SLCO1B1: variants seen among roughly 807,000 people sequenced by gnomAD.
The protein encoded by SLCO1B1 is OATP-2.
SLCO1B1 carries 81 observed loss-of-function variants against 70.1 expected under a neutral mutation model. That is an observed-to-expected ratio of 1.16 (90% CI 0.97 to 1.39). The LOEUF (loss-of-function observed/expected upper bound fraction) is 1.39. Among genes scored for constraint, SLCO1B1 ranks in the 40% most tolerant of loss-of-function variants. The pLI, the probability that SLCO1B1 is intolerant of heterozygous loss-of-function variation, is 0.00. For synonymous variants in SLCO1B1, 283 were observed against 271.5 expected, an observed-to-expected ratio of 1.04 and a Z score of -0.42; for missense variants, 895 against 799.6, an observed-to-expected ratio of 1.12 and a Z score of -1.44.
chr12:21,234,775 T>A (rs888986972), intron 14 of SLCO1B1, among the ~76,000 whole-genome samples: 2 of 152,182 alleles, frequency 1.3e-5, no homozygotes, highest in Admixed American at 1.3e-4. Flanking sequence ...AAAAATTGTG[T>A]TCTGCTCTAA....
intron 10 of SLCO1B1, among the ~76,000 whole-genome samples, chr12:21,203,436 T>TA (rs979774793): frequency 2.0e-5 from 3 of 151,940 alleles, no homozygotes; most frequent in Non-Finnish European, 2.9e-5. Flanking sequence ...AATTTAAGCT[T>TA]AGGAAGGTTC....
At chr12:21,173,530 A>C (rs1405120587) in intron 3 of SLCO1B1, among the ~76,000 whole-genome samples, 5 of 151,806 alleles carry the variant, frequency 3.3e-5, no homozygotes, top group African/African-American at 1.2e-4. Context: ...TTACAACAGC[A>C]CTTTATTATT....
intron 2 of SLCO1B1, among the ~76,000 whole-genome samples, chr12:21,142,138 T>A (rs2121041287): frequency 6.6e-6 from 1 of 150,770 alleles, no homozygotes; most frequent in Non-Finnish European, 1.5e-5. Context: ...GGAACGGAGG[T>A]CTATGATAGT....
Position 21,200,665 on chromosome 12 carries a change from C to T in SLCO1B1, c.1128C>T (p.Ile376=). Residue 376 remains isoleucine, a synonymous_variant, in exon 9 of 15, where the codon ATC becomes ATT. Transcript: ENST00000256958. ...GTCAGCCTTCATCTAAGGCTAACAT[C>T]TTATTGGGTAAGACATATTTTTTAC... ...QYGQPSSKAN[I]LLGVITIPIF... 6.2e-7 allele frequency: 1 copy of T among 1,611,514 alleles called. No individual in the cohort carries two copies. The highest frequency in any genetic ancestry group is 8.5e-7 in the Non-Finnish European group (1 of 1,178,570).
intron 2 of SLCO1B1, among the ~76,000 whole-genome samples, chr12:21,146,043 A>G (rs908165845): frequency 6.6e-6 from 1 of 152,094 alleles, no homozygotes; most frequent in African/African-American, 2.4e-5. Flanking sequence ...ATTCTTAGGT[A>G]TTTGGTAGAA....
At chr12:21,152,169 T>C (rs1234490001) in intron 2 of SLCO1B1, among the ~76,000 whole-genome samples, 1 of 152,128 alleles carries the variant, frequency 6.6e-6, no homozygotes, top group East Asian at 1.9e-4. Context: ...TGCAGTATAC[T>C]GATGTGTTTA....
At chr12:21,207,336 T>C (rs1443186645) in intron 11 of SLCO1B1, among the ~76,000 whole-genome samples, 1 of 151,940 alleles carries the variant, frequency 6.6e-6, no homozygotes, top group Non-Finnish European at 1.5e-5. Context: ...TTCCTGTCCT[T>C]ATATTCGTGT....
intron 2 of SLCO1B1, among the ~76,000 whole-genome samples, chr12:21,166,191 T>C (rs909429188): frequency 1.3e-5 from 2 of 152,014 alleles, no homozygotes; most frequent in African/African-American, 4.8e-5. Flanking sequence ...CTCAATATCG[T>C]AGAAGCATAA....
chr12:21,168,779 T>C (rs906797205), intron 2 of SLCO1B1, among the ~76,000 whole-genome samples: 1 of 152,198 alleles, frequency 6.6e-6, no homozygotes, highest in Non-Finnish European at 1.5e-5. Context: ...ATTCTAGATA[T>C]TAACTCCTCA....
chr12:21,154,105 C>T (rs2121064985), intron 2 of SLCO1B1, among the ~76,000 whole-genome samples: 2 of 151,466 alleles, frequency 1.3e-5, no homozygotes, highest in African/African-American at 4.9e-5. Context: ...TTTTAATGCT[C>T]CCTTAAAATT....
intron 11 of SLCO1B1, among the ~76,000 whole-genome samples, chr12:21,214,570 T>G (rs187811420): frequency 0.037 from 5,575 of 150,794 alleles, 151 homozygotes; most frequent in Non-Finnish European, 0.054. Context: ...CAGGCCTCCT[T>G]GAGCTGTGGT....
rs1940309182 is a variant in SLCO1B1 at position 21,141,600 on chromosome 12, A to G, written c.26A>G (p.Lys9Arg). The part of the protein sequence containing the change: MDQNQHLN[K>R]TAEAQPSENK... ...ATGGACCAAAATCAACATTTGAATA[A>G]AACAGCAGAGGCACAACCTTCAGAG... Residue 9 changes from lysine (K) to arginine (R), a missense_variant, in exon 2 of 15, where the codon AAA becomes AGA. Coordinates refer to ENST00000256958, the MANE Select transcript of SLCO1B1 (RefSeq NM_006446.5). The G allele has an allele frequency of 6.2e-7, 1 of 1,609,042 alleles. No homozygotes were observed. Among genetic ancestry groups the G allele is most frequent in the South Asian group, 1.1e-5 (1 of 90,764 alleles).
chr12:21,239,344 A>G lies in SLCO1B1; in HGVS notation c.*155A>G. ...AATAAGCCTATGAACTTATAATAAA[A>G]CAAACTGTAGGTAGAAAAAATGAGA... On this transcript the variant is annotated 3_prime_UTR_variant, in exon 15 of 15. Coordinates refer to ENST00000256958, the MANE Select transcript of SLCO1B1 (RefSeq NM_006446.5). 1.5e-6 allele frequency: 1 copy of G among 670,512 alleles called. No homozygotes were observed. Among genetic ancestry groups the G allele is most frequent in the South Asian group, 1.7e-5 (1 of 59,984 alleles). The allele number at this position is 670,512 out of a possible 1,614,324, so 41.5% of individuals were successfully genotyped here.
chr12:21,153,520 C>G (rs1305684420), intron 2 of SLCO1B1, among the ~76,000 whole-genome samples: 3 of 151,972 alleles, frequency 2.0e-5, no homozygotes, highest in Non-Finnish European at 2.9e-5. Context: ...GTTTGTAAGT[C>G]TCCCTGATGT....
intron 5 of SLCO1B1, among the ~76,000 whole-genome samples, chr12:21,177,135 CT>C (rs1248009337): frequency 1.3e-5 from 2 of 152,068 alleles, no homozygotes; most frequent in Non-Finnish European, 2.9e-5. Context: ...GATGATAAAC[CT>C]GCCGGTAAGA....
chr12:21,198,279 A>G (rs1001891674), intron 8 of SLCO1B1, among the ~76,000 whole-genome samples: 2 of 152,124 alleles, frequency 1.3e-5, no homozygotes, highest in African/African-American at 2.4e-5. Context: ...CAAGAGAATT[A>G]CCATGATTTA....
In SLCO1B1 at chr12:21,239,390, G is replaced by A; in HGVS notation, c.*201G>A. 1 of 536,512 alleles carries A rather than the reference G, an allele frequency of 1.9e-6. No homozygotes were observed. The highest frequency in any genetic ancestry group is 3.4e-6 in the Non-Finnish European group (1 of 296,998). 33.2% of individuals were successfully genotyped at this position (536,512 alleles called of 1,614,324 possible). A position where few individuals can be genotyped will look rare whatever the true frequency, so the allele number is the denominator to read the frequency against. On this transcript the variant is annotated 3_prime_UTR_variant, in exon 15 of 15. Transcript: ENST00000256958. ...TGAGAGTACTCATTGTTACATTATA[G>A]CTACATATTTGTGGTTAAGGTTAGA...
rs74064211 is a variant in SLCO1B1, at chr12:21,205,988, C to T, written c.1452C>T (p.Pro484=). ...ACAATGGAATAACTTACATCTCACC[C>T]TGTCTAGCAGGTTGCAAATCTTCAA... The part of the protein sequence containing the change: ...CGNNGITYIS[P]CLAGCKSSSG... The change falls in exon 11 of 15, where the codon CCC becomes CCT. Residue 484 remains proline, a synonymous_variant. Transcript: ENST00000256958. The T allele has an allele frequency of 3.9e-3, 6,253 of 1,612,214 alleles. 168 individuals are homozygous for T. Among genetic ancestry groups the T allele is most frequent in the African/African-American group, 0.037 (2,806 of 74,920 alleles).
chr12:21,215,070 G>A (rs113708719), intron 11 of SLCO1B1, among the ~76,000 whole-genome samples: 99 of 152,266 alleles, frequency 6.5e-4, no homozygotes, highest in Middle Eastern at 3.4e-3. Context: ...GTTCCTATTC[G>A]GCCATCTTGG....
Sources: gnomAD v4.1 joint callset for allele counts (sites outside exome capture counted in the v4.1 genomes callset) on GRCh38, gnomAD v4.1.1 for gene constraint, MANE v1.5 for transcripts, NCBI Gene and HGNC (gene_info 2026-07-23, HGNC 2026-07-21) for gene names.